The following RORA variants were observed in gnomAD, a reference collection of about 807,000 sequenced individuals.
RORA encodes nuclear receptor ROR-alpha.
A neutral mutation model predicts 69.5 loss-of-function variants in RORA; 7 were observed. The ratio of observed to expected loss-of-function variants is 0.10; its 90% confidence interval spans 0.06 to 0.19. RORA has a LOEUF of 0.19. Among genes scored for constraint, RORA ranks in the 10% least tolerant of loss-of-function variants. The pLI, the probability that RORA is intolerant of heterozygous loss-of-function variation, is 1.00. For synonymous variants in RORA, 261 were observed against 240.8 expected (o/e 1.08, Z -0.78); for missense variants, 457 against 663.0 (o/e 0.69, Z 3.41).
intron 1 of RORA, among the ~76,000 whole-genome samples, chr15:61,148,374 G>A (rs921519055): frequency 3.9e-5 from 6 of 152,128 alleles, no homozygotes; most frequent in South Asian, 4.2e-4. Flanking sequence ...AGATGGTGCC[G>A]GAATTCTGCC....
At chr15:60,604,291 A>G (rs2068894521) in intron 2 of RORA, among the ~76,000 whole-genome samples, 1 of 152,178 alleles carries the variant, frequency 6.6e-6, no homozygotes, top group Non-Finnish European at 1.5e-5. Flanking sequence ...CGCTGTGTGC[A>G]CATACTTGTC....
At chr15:60,714,058 C>CTT (rs745813094) in intron 1 of RORA, among the ~76,000 whole-genome samples, 1 of 144,310 alleles carries the variant, frequency 6.9e-6, no homozygotes. Context: ...CTCTCTCTCT[C>CTT]TTTTTTTTTT....
At chr15:60,703,739 G>C (rs2071019520) in intron 1 of RORA, among the ~76,000 whole-genome samples, 2 of 152,116 alleles carry the variant, frequency 1.3e-5, no homozygotes, top group Admixed American at 6.5e-5. Context: ...AGAAGTCTAT[G>C]TCATAATTTA....
intron 1 of RORA, among the ~76,000 whole-genome samples, chr15:61,024,575 C>T (rs1340272614): frequency 2.0e-5 from 3 of 151,778 alleles, no homozygotes; most frequent in African/African-American, 4.8e-5. Context: ...CTCAGCCTCC[C>T]GAGTAGCTGG....
intron 1 of RORA, among the ~76,000 whole-genome samples, chr15:60,914,860 G>C (rs7164163): frequency 6.6e-6 from 1 of 152,164 alleles, no homozygotes; most frequent in Non-Finnish European, 1.5e-5. Flanking sequence ...AGAGGACACC[G>C]GGGGTCAGTG....
At chr15:60,546,069 T>A (rs997901456) in intron 2 of RORA, among the ~76,000 whole-genome samples, 1 of 152,212 alleles carries the variant, frequency 6.6e-6, no homozygotes, top group Non-Finnish European at 1.5e-5. Flanking sequence ...TTCCACCTGC[T>A]ACATGCTTTC....
At chr15:60,592,556 T>C in intron 2 of RORA, 1 of 1,255,228 alleles carries the variant, frequency 8.0e-7, no homozygotes, top group Non-Finnish European at 1.0e-6. Context: ...TCCCGAGCCA[T>C]AAGAGGCTCC....
chr15:60,828,372 A>T (rs2072994272), intron 1 of RORA, among the ~76,000 whole-genome samples: 1 of 152,222 alleles, frequency 6.6e-6, no homozygotes, highest in Non-Finnish European at 1.5e-5. Flanking sequence ...GGCCCAAAGT[A>T]CTTCAAAGGG....
intron 2 of RORA, among the ~76,000 whole-genome samples, chr15:60,532,091 C>T (rs2066542027): frequency 6.6e-6 from 1 of 152,146 alleles, no homozygotes; most frequent in African/African-American, 2.4e-5. Flanking sequence ...TAAGAACCCA[C>T]AAGAAGACTG....
chr15:60,608,081 T>C (rs1169644441), intron 2 of RORA, among the ~76,000 whole-genome samples: 1 of 152,216 alleles, frequency 6.6e-6, no homozygotes, highest in Non-Finnish European at 1.5e-5. Flanking sequence ...CCTCTCCACC[T>C]GCCAGGCTAG....
chr15:60,513,577 G>A (rs1477636822), intron 4 of RORA, among the ~76,000 whole-genome samples: 4 of 152,188 alleles, frequency 2.6e-5, no homozygotes, highest in East Asian at 3.8e-4. Context: ...TGTCAGTTTA[G>A]TACCATCGGA....
intron 1 of RORA, among the ~76,000 whole-genome samples, chr15:61,085,518 T>TA (rs2078611434): frequency 6.6e-6 from 1 of 152,254 alleles, no homozygotes; most frequent in African/African-American, 2.4e-5. Flanking sequence ...GAAAAGGTTT[T>TA]AATTCAGTAG....
chr15:60,834,205 C>T (rs979014256), intron 1 of RORA, among the ~76,000 whole-genome samples: 24 of 152,178 alleles, frequency 1.6e-4, no homozygotes, highest in African/African-American at 4.6e-4. Context: ...CACAAAATAG[C>T]GGTACATGTC....
chr15:61,115,894 G>T (rs769108798), intron 1 of RORA, among the ~76,000 whole-genome samples: 1 of 152,152 alleles, frequency 6.6e-6, no homozygotes, highest in East Asian at 1.9e-4. Context: ...GCTGTGTTTC[G>T]CACTGGCAGA....
At chr15:60,965,238 T>A (rs1008963706) in intron 1 of RORA, among the ~76,000 whole-genome samples, 9 of 152,152 alleles carry the variant, frequency 5.9e-5, no homozygotes, top group African/African-American at 2.2e-4. Context: ...GTTTTTGACA[T>A]CTTGGAGCTC....
intron 1 of RORA, among the ~76,000 whole-genome samples, chr15:60,850,561 A>G (rs1394473232): frequency 1.3e-5 from 2 of 152,148 alleles, no homozygotes; most frequent in Non-Finnish European, 2.9e-5. Flanking sequence ...GATGCCTAAG[A>G]GACACCCTCT....
Position 61,226,963 on chromosome 15 carries a change from T to C in RORA, c.166+2090A>G, listed in dbSNP as rs935659025. Among the ~76,000 whole-genome samples, 4 of 152,134 alleles carry C rather than the reference T, an allele frequency of 2.6e-5. No individual in the cohort carries two copies. The highest frequency in any genetic ancestry group is 9.7e-5 in the African/African-American group (4 of 41,428). On this transcript the variant is annotated intron_variant, in intron 1 of 10. Transcript: ENST00000335670. This position sits in a 1 kb window ranked among gnomAD's most constrained non-coding sequence, Gnocchi z 4.2. Reference sequence around the variant, plus strand: ...CTCCTACTATGCCCCTCTCCCCTTTTTGCTGAGCCTAAGGGGGCTGGTGGC... The same window carrying C: ...CTCCTACTATGCCCCTCTCCCCTTTCTGCTGAGCCTAAGGGGGCTGGTGGC...
chr15:60,575,158 G>A (rs1204605966), intron 2 of RORA, among the ~76,000 whole-genome samples: 1 of 152,006 alleles, frequency 6.6e-6, no homozygotes, highest in Non-Finnish European at 1.5e-5. Flanking sequence ...AGAACCTTCA[G>A]CAAAGAGCTA....
chr15:60,881,614 AAGAGAG>A (rs10549221), intron 1 of RORA, among the ~76,000 whole-genome samples: 2 of 150,874 alleles, frequency 1.3e-5, no homozygotes, highest in South Asian at 2.1e-4. Flanking sequence ...AAAAAACAAG[AAGAGAG>A]AGAGAGAGAG....
Sources: gnomAD v4.1 joint callset for allele counts (sites outside exome capture counted in the v4.1 genomes callset) on GRCh38, gnomAD v4.1.1 for gene constraint, Gnocchi (gnomAD v3.1) non-coding constraint, MANE v1.5 for transcripts, NCBI Gene and HGNC (gene_info 2026-07-23, HGNC 2026-07-21) for gene names.